The following LRRC4C variants were observed in gnomAD, a reference collection of about 807,000 sequenced individuals.
The protein encoded by LRRC4C is leucine rich repeat containing 4C, also known as leucine-rich repeat-containing protein 4C.
A neutral mutation model predicts 33.6 loss-of-function variants in LRRC4C; 5 were observed. That is an observed-to-expected ratio of 0.15 (90% CI 0.08 to 0.31). The LOEUF (loss-of-function observed/expected upper bound fraction) is 0.31, where lower values mean the gene tolerates loss of function less well. LRRC4C is among the 10% of genes least tolerant of loss of function. The probability of loss-of-function intolerance (pLI) is 1.00; values close to 1 mark genes in which losing one functional copy is unlikely to be tolerated. For synonymous variants in LRRC4C, 329 were observed against 302.0 expected, an observed-to-expected ratio of 1.09 and a Z score of -0.93; for missense variants, 560 against 796.7, an observed-to-expected ratio of 0.70 and a Z score of 3.58.
At chr11:41,409,936 A>G (rs1954398331) in intron 1 of LRRC4C, among the ~76,000 whole-genome samples, 1 of 152,178 alleles carries the variant, frequency 6.6e-6, no homozygotes, top group African/African-American at 2.4e-5. Flanking sequence ...TTTTATTTCC[A>G]TCATCCTAAT....
At chr11:40,349,536 A>T (rs1283345692) in intron 3 of LRRC4C, among the ~76,000 whole-genome samples, 2 of 152,036 alleles carry the variant, frequency 1.3e-5, no homozygotes, top group African/African-American at 4.8e-5. Context: ...TTAACATGGG[A>T]GTGCAGATAT....
At chr11:40,429,318 C>G (rs557173635) in intron 3 of LRRC4C, among the ~76,000 whole-genome samples, 2 of 152,172 alleles carry the variant, frequency 1.3e-5, no homozygotes, top group Non-Finnish European at 1.5e-5. Flanking sequence ...AAGTGATCCA[C>G]GCGCCTCATA....
chr11:41,106,175 T>C (rs1941481704), intron 1 of LRRC4C, among the ~76,000 whole-genome samples: 1 of 152,026 alleles, frequency 6.6e-6, no homozygotes, highest in Non-Finnish European at 1.5e-5. Context: ...AGTACAGGAC[T>C]TTCTCTCCTT....
intron 1 of LRRC4C, among the ~76,000 whole-genome samples, chr11:41,136,684 T>G (rs1381863119): frequency 6.6e-6 from 1 of 152,146 alleles, no homozygotes; most frequent in Non-Finnish European, 1.5e-5. Flanking sequence ...TCTTTCCACG[T>G]CTATGCACAT....
At chr11:40,573,381 A>G (rs1958059469) in intron 3 of LRRC4C, among the ~76,000 whole-genome samples, 1 of 152,174 alleles carries the variant, frequency 6.6e-6, no homozygotes, top group South Asian at 2.1e-4. Flanking sequence ...CTCTCTGACT[A>G]TAGGAAAGTA....
intron 1 of LRRC4C, among the ~76,000 whole-genome samples, chr11:41,082,950 C>A (rs2135494486): frequency 6.6e-6 from 1 of 152,152 alleles, no homozygotes; most frequent in East Asian, 1.9e-4. Context: ...AGTGGTTTGG[C>A]TGATAAATTA....
intron 1 of LRRC4C, among the ~76,000 whole-genome samples, chr11:41,426,061 A>G (rs1437506910): frequency 6.6e-6 from 1 of 152,144 alleles, no homozygotes; most frequent in Non-Finnish European, 1.5e-5. Context: ...AGTTTGTGAA[A>G]CTGGGGCCAC....
At chr11:40,170,497 AGAG>A (rs1859954501) in intron 5 of LRRC4C, among the ~76,000 whole-genome samples, 1 of 151,756 alleles carries the variant, frequency 6.6e-6, no homozygotes, top group South Asian at 2.1e-4. Context: ...CTACATTAAG[AGAG>A]AAAGAGAGAA....
At chr11:41,163,840 G>T (rs1016664557) in intron 1 of LRRC4C, among the ~76,000 whole-genome samples, 1 of 152,094 alleles carries the variant, frequency 6.6e-6, no homozygotes. Flanking sequence ...TCGAACTCCT[G>T]ACCTCAGGTG....
intron 4 of LRRC4C, among the ~76,000 whole-genome samples, chr11:40,272,075 A>G (rs1590875393): frequency 6.6e-6 from 1 of 152,324 alleles, no homozygotes; most frequent in South Asian, 2.1e-4. Flanking sequence ...AATTGAACAG[A>G]AATGAAATAC....
chr11:40,945,023 C>CTTTTTTTTTTT (rs767515626), intron 1 of LRRC4C, among the ~76,000 whole-genome samples: 2 of 111,122 alleles, frequency 1.8e-5, no homozygotes, highest in African/African-American at 7.2e-5. Flanking sequence ...TGCAGTTTTT[C>CTTTTTTTTTTT]TTTTTTTTTT....
intron 2 of LRRC4C, among the ~76,000 whole-genome samples, chr11:40,912,766 G>C (rs892764709): frequency 1.3e-5 from 2 of 152,074 alleles, no homozygotes; most frequent in African/African-American, 2.4e-5. Context: ...TGGATAAAGA[G>C]TCAAGACCCA....
At chr11:40,704,657 A>G (rs1305084327) in intron 2 of LRRC4C, among the ~76,000 whole-genome samples, 1 of 152,182 alleles carries the variant, frequency 6.6e-6, no homozygotes, top group African/African-American at 2.4e-5. Context: ...TCAACTGAAA[A>G]TTAGAGTTCA....
intron 2 of LRRC4C, among the ~76,000 whole-genome samples, chr11:40,845,368 A>G (rs988354305): frequency 6.6e-6 from 1 of 152,014 alleles, no homozygotes; most frequent in Non-Finnish European, 1.5e-5. Flanking sequence ...ATATGTCCTC[A>G]TTGTTCAACT....
intron 2 of LRRC4C, among the ~76,000 whole-genome samples, chr11:40,673,884 C>A (rs1192758041): frequency 6.6e-6 from 1 of 152,116 alleles, no homozygotes; most frequent in Non-Finnish European, 1.5e-5. Flanking sequence ...TGATGGTCAC[C>A]AAGATACCAG....
At chr11:40,871,925 T>G (rs1348398803) in intron 2 of LRRC4C, among the ~76,000 whole-genome samples, 1 of 152,156 alleles carries the variant, frequency 6.6e-6, no homozygotes, top group Non-Finnish European at 1.5e-5. Context: ...ATTGAATATG[T>G]GCCTTCCATC....
intron 2 of LRRC4C, among the ~76,000 whole-genome samples, chr11:40,821,446 T>TA (rs1951922509): frequency 6.6e-6 from 1 of 151,616 alleles, no homozygotes; most frequent in South Asian, 2.1e-4. Context: ...AGGATATGAA[T>TA]AAAAATAAAT....
intron 5 of LRRC4C, among the ~76,000 whole-genome samples, chr11:40,202,161 CT>C (rs1390799384): frequency 7.8e-6 from 1 of 128,592 alleles, no homozygotes; most frequent in Non-Finnish European, 1.5e-5. Context: ...TGGGAAATAG[CT>C]TTTCAGTAAA....
intron 3 of LRRC4C, among the ~76,000 whole-genome samples, chr11:40,546,464 G>T (rs1956929812): frequency 6.6e-6 from 1 of 151,986 alleles, no homozygotes; most frequent in Non-Finnish European, 1.5e-5. Context: ...AATTTTACAT[G>T]GTTGTGATAA....
Sources: allele counts gnomAD v4.1 joint callset (sites outside exome capture counted in the v4.1 genomes callset), GRCh38; gene constraint gnomAD v4.1.1; transcripts MANE v1.5; gene names NCBI Gene and HGNC (gene_info 2026-07-23, HGNC 2026-07-21).